FBXL13: variants seen among roughly 807,000 people sequenced by gnomAD.
FBXL13 encodes the protein F-box and leucine-rich repeat protein 13.
In FBXL13, 67 loss-of-function variants were observed where a neutral mutation model predicts 83.6. The ratio of observed to expected loss-of-function variants is 0.80; its 90% CI spans 0.66 to 0.98. The LOEUF (loss-of-function observed/expected upper bound fraction) is 0.98, where lower values mean the gene tolerates loss of function less well. Ranked by LOEUF, FBXL13 falls within the 50% of genes least tolerant of loss-of-function variation. FBXL13 has a pLI of 0.00. For synonymous variants in FBXL13, 272 were observed against 299.5 expected (o/e 0.91, Z 0.95); for missense variants, 822 against 866.5 (o/e 0.95, Z 0.64).
chr7:103,009,557 A>G (rs1337194207), intron 6 of FBXL13, among the ~76,000 whole-genome samples: 1 of 152,200 alleles, frequency 6.6e-6, no homozygotes, highest in Non-Finnish European at 1.5e-5. Context: ...TGAGGCAGAA[A>G]GCCAGTCAGA....
exon 20 of FBXL13, chr7:102,813,285 A>G (rs1797559076): frequency 6.7e-7 from 1 of 1,494,010 alleles, no homozygotes; most frequent in African/African-American, 1.4e-5. Flanking sequence ...ACTTGCAACA[A>G]ATGGAGAAAA....
intron 16 of FBXL13, among the ~76,000 whole-genome samples, chr7:102,868,657 T>TTTTGG (rs1318143869): frequency 3.7e-4 from 56 of 152,132 alleles, no homozygotes; most frequent in African/African-American, 1.3e-3. Context: ...CTTTGTGGTT[T>TTTTGG]TTTTGTTTTG....
intron 11 of FBXL13, among the ~76,000 whole-genome samples, chr7:102,895,953 A>C (rs193193104): frequency 2.0e-5 from 3 of 152,362 alleles, no homozygotes; most frequent in Admixed American, 1.3e-4. Flanking sequence ...ATTCATGGGA[A>C]TATTTAAGGA....
In FBXL13 at chr7:102,926,380, T is replaced by G. The variant is rs367714594; in HGVS notation, c.778-6A>C. 1 of 1,609,716 alleles carries G rather than the reference T, an allele frequency of 6.2e-7. No individual in the cohort carries two copies. The highest frequency in any genetic ancestry group is 8.5e-7 in the Non-Finnish European group (1 of 1,177,440). ...ATGTGTCTCATTGATTCATCCTGCATGAAAAACAGAGGGAAGAGGCTTATC... is the reference window on the plus strand; with the variant it reads ...ATGTGTCTCATTGATTCATCCTGCAGGAAAAACAGAGGGAAGAGGCTTATC... On this transcript the variant is annotated splice_polypyrimidine_tract_variant and splice_region_variant and intron_variant, in intron 9 of 19. Transcript: ENST00000313221.
intron 18 of FBXL13, among the ~76,000 whole-genome samples, chr7:102,826,734 T>C (rs1473818804): frequency 2.3e-5 from 1 of 42,968 alleles, no homozygotes; most frequent in African/African-American, 1.5e-4. Context: ...CATATATATA[T>C]ATATATATAT....
At chr7:102,955,675 A>C (rs1479039331) in intron 8 of FBXL13, among the ~76,000 whole-genome samples, 2 of 151,984 alleles carry the variant, frequency 1.3e-5, no homozygotes, top group African/African-American at 4.8e-5. Flanking sequence ...CATCAAATAG[A>C]CTCAATAAAA....
At chr7:102,852,432 T>G (rs1236453883) in intron 17 of FBXL13, among the ~76,000 whole-genome samples, 1 of 152,086 alleles carries the variant, frequency 6.6e-6, no homozygotes, top group Non-Finnish European at 1.5e-5. Flanking sequence ...TCACAATCTA[T>G]ACATCTGACA....
At chr7:102,850,445 CTG>C (rs1023723178) in intron 17 of FBXL13, among the ~76,000 whole-genome samples, 2 of 152,148 alleles carry the variant, frequency 1.3e-5, no homozygotes, top group African/African-American at 4.8e-5. Context: ...TCAAATATAA[CTG>C]ATCACCATAT....
chr7:103,041,808 T>C (rs1468529221), intron 2 of FBXL13, among the ~76,000 whole-genome samples: 1 of 152,178 alleles, frequency 6.6e-6, no homozygotes, highest in African/African-American at 2.4e-5. Flanking sequence ...AACTAGGTAT[T>C]GATGGAACAT....
intron 6 of FBXL13, among the ~76,000 whole-genome samples, chr7:102,999,114 G>GTTT (rs577409903): frequency 1.8e-4 from 26 of 147,312 alleles, no homozygotes; most frequent in Middle Eastern, 3.6e-3. Flanking sequence ...ATTGTTGAGG[G>GTTT]TTTTTTTTTT....
chr7:103,016,892 T>C lies in FBXL13; in HGVS notation c.495+8171A>G, dbSNP rs569377910. 4.6e-5 allele frequency among the ~76,000 whole-genome samples: 7 copies of C among 152,272 alleles called. No individual in the cohort carries two copies. In the East Asian group the frequency reaches 1.4e-3, roughly 29 times the overall value. On this transcript the variant is annotated intron_variant, in intron 6 of 19. Transcript: ENST00000313221. ...CCTACCTGCCTCTGTAGACTCCACCTCTAGGGGCAGGGCATAGCCGAACAA... is the reference window on the plus strand; with the variant it reads ...CCTACCTGCCTCTGTAGACTCCACCCCTAGGGGCAGGGCATAGCCGAACAA...
chr7:102,855,486 C>G (rs1252512443), intron 16 of FBXL13, among the ~76,000 whole-genome samples: 2 of 152,042 alleles, frequency 1.3e-5, no homozygotes, highest in East Asian at 3.9e-4. Flanking sequence ...TACTTTTTCC[C>G]CAAATTTACT....
intron 11 of FBXL13, among the ~76,000 whole-genome samples, chr7:102,890,567 G>A (rs2129460249): frequency 6.6e-6 from 1 of 152,322 alleles, no homozygotes; most frequent in South Asian, 2.1e-4. Context: ...ATCATCATGA[G>A]AAGACAGACC....
chr7:102,965,457 A>G (rs967686460), intron 7 of FBXL13, among the ~76,000 whole-genome samples: 1 of 152,252 alleles, frequency 6.6e-6, no homozygotes, highest in African/African-American at 2.4e-5. Flanking sequence ...AGCTACTATT[A>G]TTACTTCAAA....
chr7:102,995,991 T>C (rs1047826277), intron 6 of FBXL13, among the ~76,000 whole-genome samples: 2 of 152,122 alleles, frequency 1.3e-5, no homozygotes, highest in African/African-American at 4.8e-5. Context: ...AACTCTTTGC[T>C]ATTAGTTTAG....
chr7:102,821,929 T>C, intron 19 of FBXL13, 111 bp downstream of exon 20: 1 of 1,198,438 alleles, frequency 8.3e-7, no homozygotes, highest in South Asian at 1.5e-5. Context: ...TAAAATGAAA[T>C]GAAACTTCCT....
At chr7:102,972,047 A>G (rs1826753536) in intron 6 of FBXL13, among the ~76,000 whole-genome samples, 1 of 152,074 alleles carries the variant, frequency 6.6e-6, no homozygotes, top group Non-Finnish European at 1.5e-5. Flanking sequence ...AAAAAATTTA[A>G]AGACACTTTG....
intron 11 of FBXL13, 108 bp downstream of exon 12, chr7:102,912,978 T>C (rs1227609807): frequency 3.6e-6 from 5 of 1,398,672 alleles, no homozygotes; most frequent in South Asian, 1.5e-5. Flanking sequence ...CTCTGAAAAG[T>C]GTGCTGCGGT....
intron 1 of FBXL13, among the ~76,000 whole-genome samples, chr7:103,057,719 C>G (rs114150658): frequency 1.1e-3 from 169 of 152,254 alleles, no homozygotes; most frequent in African/African-American, 3.7e-3. Flanking sequence ...GAGGTCCCCC[C>G]AAAAGAAGAA....
Sources: gnomAD v4.1 joint callset for allele counts (sites outside exome capture counted in the v4.1 genomes callset) on GRCh38, gnomAD v4.1.1 for gene constraint, MANE v1.5 for transcripts, NCBI Gene and HGNC (gene_info 2026-07-23, HGNC 2026-07-21) for gene names.